Variants in ABTB3 observed in about 807,000 individuals in gnomAD.
The protein encoded by ABTB3 is ankyrin repeat- and BTB/POZ domain-containing protein 3.
chr12:107,420,095 T>C, the ABTB3 span, among the ~76,000 whole-genome samples: 4 of 152,194 alleles, frequency 2.6e-5, no homozygotes, highest in African/African-American at 9.7e-5. Flanking sequence ...TGCACCTTTT[T>C]TCCCCACATG....
At chr12:107,461,156 C>A in the ABTB3 span, among the ~76,000 whole-genome samples, 2 of 152,150 alleles carry the variant, frequency 1.3e-5, no homozygotes, top group Non-Finnish European at 2.9e-5. Context: ...TCTTGTGAGA[C>A]TTGTTCACTA....
the ABTB3 span, among the ~76,000 whole-genome samples, chr12:107,569,501 C>T: frequency 5.3e-5 from 8 of 152,134 alleles, no homozygotes; most frequent in Admixed American, 5.2e-4. Flanking sequence ...TGAACAAAAA[C>T]AATTCATTGT....
At chr12:107,548,584 T>A in the ABTB3 span, among the ~76,000 whole-genome samples, 182 of 152,320 alleles carry the variant, frequency 1.2e-3, no homozygotes, top group Middle Eastern at 3.4e-3. Context: ...GTAGTCTAAG[T>A]TTTTCCAGAA....
the ABTB3 span, among the ~76,000 whole-genome samples, chr12:107,529,948 T>A: frequency 6.6e-6 from 1 of 152,204 alleles, no homozygotes. Flanking sequence ...GTGTTAGACT[T>A]TATAAGCAGG....
chr12:107,565,471 C>T, the ABTB3 span, among the ~76,000 whole-genome samples: 1 of 152,148 alleles, frequency 6.6e-6, no homozygotes, highest in African/African-American at 2.4e-5. Flanking sequence ...TATTCTCACT[C>T]TTTAGGGGAG....
the ABTB3 span, among the ~76,000 whole-genome samples, chr12:107,613,730 C>T: frequency 6.6e-6 from 1 of 152,128 alleles, no homozygotes; most frequent in Non-Finnish European, 1.5e-5. Flanking sequence ...GCCTGAAGAC[C>T]TGCTCTCCCT....
chr12:107,402,013 C>A, the ABTB3 span, among the ~76,000 whole-genome samples: 1 of 151,256 alleles, frequency 6.6e-6, no homozygotes, highest in Non-Finnish European at 1.5e-5. Flanking sequence ...TATCTCGACT[C>A]CTAAGCTGGT....
At chr12:107,355,119 C>T in the ABTB3 span, among the ~76,000 whole-genome samples, 4 of 152,200 alleles carry the variant, frequency 2.6e-5, no homozygotes, top group East Asian at 1.9e-4. Flanking sequence ...CTCACCTGAG[C>T]GGGGGCTTTT....
the ABTB3 span, among the ~76,000 whole-genome samples, chr12:107,357,585 T>C: frequency 6.6e-6 from 1 of 152,212 alleles, no homozygotes; most frequent in Admixed American, 6.5e-5. Context: ...TGCTCTAGCC[T>C]GGGCCACAGA....
chr12:107,616,979 C>A, the ABTB3 span: 3 of 1,120,854 alleles, frequency 2.7e-6, no homozygotes, highest in African/African-American at 1.5e-5. Context: ...TGTCACCAAC[C>A]TAGAGGGAGG....
chr12:107,433,770 T>TA, the ABTB3 span, among the ~76,000 whole-genome samples: 14 of 152,320 alleles, frequency 9.2e-5, 1 homozygote, highest in East Asian at 2.5e-3. Context: ...CCAGCTGTCT[T>TA]ACTCTGTTCT....
chr12:107,500,946 C>G, the ABTB3 span, among the ~76,000 whole-genome samples: 1 of 152,204 alleles, frequency 6.6e-6, no homozygotes, highest in Non-Finnish European at 1.5e-5. Context: ...TTGGCCCCCG[C>G]CTTTCTCTGC....
chr12:107,483,699 T>A, the ABTB3 span, among the ~76,000 whole-genome samples: 2 of 152,108 alleles, frequency 1.3e-5, no homozygotes, highest in African/African-American at 4.8e-5. Context: ...ATTTATTTAT[T>A]TTTTTAGAGA....
chr12:107,479,424 C>T, the ABTB3 span, among the ~76,000 whole-genome samples: 5 of 151,936 alleles, frequency 3.3e-5, no homozygotes, highest in South Asian at 2.1e-4. Flanking sequence ...CTCTGCATCT[C>T]GGTGTCCACA....
chr12:107,375,059 C>A, the ABTB3 span, among the ~76,000 whole-genome samples: 1 of 152,112 alleles, frequency 6.6e-6, no homozygotes, highest in East Asian at 1.9e-4. Flanking sequence ...AAGCAGATTC[C>A]TGGACTGAGG....
the ABTB3 span, among the ~76,000 whole-genome samples, chr12:107,472,847 A>G: frequency 4.6e-5 from 7 of 152,172 alleles, no homozygotes; most frequent in East Asian, 9.7e-4. Flanking sequence ...GGTTTAGCCA[A>G]CTCCAGGGAT....
At chr12:107,613,015 T>A in the ABTB3 span, 1 of 773,000 alleles carries the variant, frequency 1.3e-6, no homozygotes, top group South Asian at 1.9e-5. Flanking sequence ...TTAGTTGCTG[T>A]GGCCCTGGTG....
At chr12:107,344,082 C>T in the ABTB3 span, among the ~76,000 whole-genome samples, 6 of 152,172 alleles carry the variant, frequency 3.9e-5, no homozygotes, top group Admixed American at 2.0e-4. Context: ...ATTCCAGTCT[C>T]AAGGTAGCCT....
At chr12:107,471,703 C>G in the ABTB3 span, among the ~76,000 whole-genome samples, 2 of 152,154 alleles carry the variant, frequency 1.3e-5, no homozygotes, top group Non-Finnish European at 2.9e-5. Flanking sequence ...TCCATGACCC[C>G]CCAGGTCAGG....
Sources: allele counts gnomAD v4.1 joint callset (sites outside exome capture counted in the v4.1 genomes callset), GRCh38; gene constraint gnomAD v4.1.1; transcripts MANE v1.5; gene names NCBI Gene and HGNC (gene_info 2026-07-23, HGNC 2026-07-21).